The following MYCBP2 variants were observed in gnomAD, a reference collection of about 807,000 sequenced individuals.
MYCBP2 encodes E3 ubiquitin-protein ligase MYCBP2.
Under a neutral mutation model 525.3 loss-of-function variants are expected in MYCBP2, and 120 were observed. The ratio of observed to expected loss-of-function variants is 0.23; its 90% confidence interval spans 0.20 to 0.27. The LOEUF (loss-of-function observed/expected upper bound fraction) is 0.27. Ranked by LOEUF, MYCBP2 falls within the 10% of genes least tolerant of loss-of-function variation. The pLI is 1.00. For missense variants in MYCBP2, 4,149 were observed against 5,657.1 expected (o/e 0.73, Z 8.55); for synonymous variants, 1,894 against 1,955.8 (o/e 0.97, Z 0.83).
Position 77,191,663 on chromosome 13 carries a change from T to C in MYCBP2, c.4070+16A>G, listed in dbSNP as rs772178573. On this transcript the variant is annotated intron_variant, in intron 28 of 82. Coordinates refer to ENST00000544440, the MANE Select transcript of MYCBP2 (RefSeq NM_015057.5). ...AAAATAAGTATTGCTTAAGTAACAC[T>C]TGGGCATTTACTTACCCATCATCTG... The C allele has an allele frequency of 8.1e-6, 13 of 1,610,002 alleles. No homozygotes were observed. In the South Asian group the frequency reaches 1.0e-4, roughly 12 times the overall value.
chr13:77,294,118 A>ATACATATATATATATATATATATATG (rs2077845902), intron 2 of MYCBP2, among the ~76,000 whole-genome samples: 1 of 61,600 alleles, frequency 1.6e-5, no homozygotes, highest in Non-Finnish European at 4.0e-5. Flanking sequence ...ATATATATAT[A>ATACATATATATATATATATATATATG]TATATATATA....
intron 18 of MYCBP2, among the ~76,000 whole-genome samples, chr13:77,226,761 C>T (rs1180740601): frequency 6.6e-6 from 1 of 152,050 alleles, no homozygotes; most frequent in Non-Finnish European, 1.5e-5. Context: ...TAACTAAATG[C>T]CTATAATTTC....
At chr13:77,228,036 C>T (rs927967) in intron 18 of MYCBP2, among the ~76,000 whole-genome samples, 1 of 151,550 alleles carries the variant, frequency 6.6e-6, no homozygotes, top group African/African-American at 2.4e-5. Flanking sequence ...GCAGCAGTGG[C>T]AGAATTAAAA....
rs949113705 is a variant in MYCBP2, at chr13:77,319,774, T to C, written c.302+6700A>G. 7.2e-5 allele frequency among the ~76,000 whole-genome samples: 11 copies of C among 152,182 alleles called. 1 individual carries two copies. The highest frequency in any genetic ancestry group is 5.2e-4 in the Admixed American group (8 of 15,286). ...GCATGCCAAGCGTTATCAGTATTAG[T>C]GCTCCATCTAGCACCAGAATCGATT... On this transcript the variant is annotated intron_variant, in intron 1 of 82. Coordinates refer to ENST00000544440, the MANE Select transcript of MYCBP2 (RefSeq NM_015057.5).
At chr13:77,178,485 G>A (rs1453620612) in intron 34 of MYCBP2, among the ~76,000 whole-genome samples, 2 of 152,128 alleles carry the variant, frequency 1.3e-5, no homozygotes, top group African/African-American at 2.4e-5. Flanking sequence ...TGAATACTAC[G>A]AATATATACA....
intron 26 of MYCBP2, among the ~76,000 whole-genome samples, chr13:77,200,512 C>A (rs1051424885): frequency 2.0e-5 from 3 of 151,774 alleles, no homozygotes; most frequent in Non-Finnish European, 4.4e-5. Context: ...GCAAGGCAGG[C>A]CAACATTCAG....
rs571758633 is a variant in MYCBP2, at chr13:77,096,282, A to G, written c.9954+30T>C. ...TTTTATACAGTGTATCCATATCATT[A>G]AAAGTATAGCTCCAAATGGAATAAA... is the stretch of plus-strand genomic sequence containing the variant. On this transcript the variant is annotated intron_variant, in intron 57 of 82. Coordinates refer to ENST00000544440, the MANE Select transcript of MYCBP2 (RefSeq NM_015057.5). 6.7e-5 allele frequency: 107 copies of G among 1,607,036 alleles called. 1 individual carries two copies. The Admixed American group carries it at 7.2e-4, about 11-fold the overall frequency.
At chr13:77,192,173 T>A (rs1208291284) in intron 27 of MYCBP2, among the ~76,000 whole-genome samples, 1 of 152,218 alleles carries the variant, frequency 6.6e-6, no homozygotes, top group Non-Finnish European at 1.5e-5. Context: ...TTCAGCTAAA[T>A]AGTTTTGAAA....
Position 77,097,969 on chromosome 13 carries a change from G to C in MYCBP2, c.9185C>G (p.Ser3062Cys). The change falls in exon 56 of 83, where the codon TCC (serine) becomes TGC (cysteine). Residue 3062 changes from serine to cysteine, a missense_variant. Physicochemically the swap from Ser to Cys is moderately radical, Grantham distance 112. Coordinates refer to ENST00000544440, the MANE Select transcript of MYCBP2 (RefSeq NM_015057.5). ...SSFLKFHPEL[S>C]KEHAPIRSSL... ...ACTCCTTATAGGAGCATGTTCTTTG[G>C]AAAGTTCAGGATGAAACTTTAGGAA... The C allele has an allele frequency of 1.2e-6, 2 of 1,613,502 alleles. No homozygotes were observed. The highest frequency in any genetic ancestry group is 2.2e-5 in the East Asian group (1 of 44,840).
chr13:77,100,155 T>A (rs1353864628), intron 55 of MYCBP2: 2 of 152,130 alleles, frequency 1.3e-5, no homozygotes, highest in African/African-American at 4.8e-5. Flanking sequence ...TTAAGGTAGA[T>A]TTGTTAACTG....
At chr13:77,180,040 C>A in intron 34 of MYCBP2, 87 bp downstream of exon 34, 1 of 1,132,522 alleles carries the variant, frequency 8.8e-7, no homozygotes, top group Non-Finnish European at 1.2e-6. Flanking sequence ...AAATTAGCTT[C>A]CACAAAGCCA....
intron 1 of MYCBP2, among the ~76,000 whole-genome samples, chr13:77,301,914 C>T (rs1395110443): frequency 1.3e-5 from 2 of 152,006 alleles, no homozygotes; most frequent in Non-Finnish European, 2.9e-5. Flanking sequence ...TTAAGAACTT[C>T]TCATATGATT....
At position 77,058,071 on chromosome 13, in the gene MYCBP2, AC is replaced by A. The variant is rs1180821188; in HGVS notation, c.13329+146del. On this transcript the variant is annotated intron_variant, in intron 78 of 82. Coordinates refer to ENST00000544440, the MANE Select transcript of MYCBP2 (RefSeq NM_015057.5). The surrounding 1 kb of genome is among the most constrained non-coding windows in gnomAD (Gnocchi z 4.1). ...TAGCCAGGATGGTCTCGATCTCCTGACCTCGTGATCCACCTGCCTCGGCCTC... is the reference window on the plus strand; with the variant it reads ...TAGCCAGGATGGTCTCGATCTCCTGACTCGTGATCCACCTGCCTCGGCCTC... The A allele has an allele frequency of 1.3e-5, 10 of 761,600 alleles. No individual in the cohort carries two copies. The East Asian group carries it at 2.9e-4, about 22-fold the overall frequency. The allele number at this position is 761,600 out of a possible 1,614,324, so 47.2% of individuals were successfully genotyped here. A position where few individuals can be genotyped will look rare whatever the true frequency, so the allele number is the denominator to read the frequency against.
At chr13:77,266,737 A>G in intron 8 of MYCBP2, among the ~76,000 whole-genome samples, 1 of 123,776 alleles carries the variant, frequency 8.1e-6, no homozygotes, top group African/African-American at 2.9e-5. Context: ...ATGGTCCAGG[A>G]CTTGTAATGA....
At chr13:77,206,879 A>T (rs1014245207) in intron 23 of MYCBP2, 54 bp from the exon 24 acceptor site, 2 of 1,414,334 alleles carry the variant, frequency 1.4e-6, no homozygotes, top group Non-Finnish European at 1.9e-6. Context: ...TTTTTAAAAA[A>T]AATTCCTAAA....
chr13:77,306,709 C>G (rs959599016), intron 1 of MYCBP2, among the ~76,000 whole-genome samples: 10 of 152,124 alleles, frequency 6.6e-5, no homozygotes, highest in Non-Finnish European at 7.4e-5. Flanking sequence ...AACTGTAACA[C>G]TTTCTAATGA....
At chr13:77,203,387 A>C (rs1769865591) in intron 26 of MYCBP2, among the ~76,000 whole-genome samples, 1 of 152,154 alleles carries the variant, frequency 6.6e-6, no homozygotes, top group South Asian at 2.1e-4. Context: ...TGCTCAAGGA[A>C]ATAAAAGAGG....
chr13:77,210,312 C>T (rs886919305), intron 23 of MYCBP2, among the ~76,000 whole-genome samples: 2 of 151,694 alleles, frequency 1.3e-5, no homozygotes, highest in African/African-American at 4.8e-5. Context: ...CCTGCCTCAG[C>T]CTCCCGAGTA....
At chr13:77,318,991 C>T (rs1350783278) in intron 1 of MYCBP2, among the ~76,000 whole-genome samples, 1 of 152,176 alleles carries the variant, frequency 6.6e-6, no homozygotes, top group Non-Finnish European at 1.5e-5. Context: ...CCGTGAACTA[C>T]CTCAAGCTAG....
Sources: allele counts gnomAD v4.1 joint callset (sites outside exome capture counted in the v4.1 genomes callset), GRCh38; gene constraint gnomAD v4.1.1; non-coding constraint Gnocchi (gnomAD v3.1); transcripts MANE v1.5; gene names NCBI Gene and HGNC (gene_info 2026-07-23, HGNC 2026-07-21).